Variants in ADAM32 observed in about 807,000 individuals in gnomAD.
ADAM32 encodes disintegrin and metalloproteinase domain-containing protein 32.
Under a neutral mutation model 114.9 loss-of-function variants are expected in ADAM32, and 89 were observed. The ratio of observed to expected loss-of-function variants is 0.77; its 90% confidence interval spans 0.65 to 0.92. The LOEUF (loss-of-function observed/expected upper bound fraction) is 0.92. Among genes scored for constraint, ADAM32 ranks in the 40% least tolerant of loss-of-function variants. The pLI is 0.00. For missense variants in ADAM32, 870 were observed against 932.8 expected (o/e 0.93, Z 0.88); for synonymous variants, 285 against 307.5 (o/e 0.93, Z 0.77).
intron 1 of ADAM32, among the ~76,000 whole-genome samples, chr8:39,111,153 T>A (rs550170138): frequency 7.9e-5 from 12 of 152,342 alleles, no homozygotes; most frequent in African/African-American, 2.9e-4. Flanking sequence ...TTGATGGACA[T>A]TTGATTGTTT....
At chr8:39,109,092 A>G (rs1840046800) in intron 1 of ADAM32, among the ~76,000 whole-genome samples, 1 of 152,216 alleles carries the variant, frequency 6.6e-6, no homozygotes, top group African/African-American at 2.4e-5. Flanking sequence ...CAAAATTTTA[A>G]TGCAGTGGTT....
At chr8:39,160,072 G>A (rs1431516625) in intron 6 of ADAM32, among the ~76,000 whole-genome samples, 1 of 152,122 alleles carries the variant, frequency 6.6e-6, no homozygotes, top group Non-Finnish European at 1.5e-5. Flanking sequence ...GTACAGGCAG[G>A]GATTCCAAGA....
rs533760007 is a variant in ADAM32, at chr8:39,266,726, G to A, written c.2163-4150G>A. Among the ~76,000 whole-genome samples, 3 of 152,296 alleles carry A rather than the reference G, an allele frequency of 2.0e-5. No homozygotes were observed. The South Asian group carries it at 6.2e-4, about 32-fold the overall frequency. ...TTGTTTGGTGTTAAAAAGACACTGT[G>A]TCTTTTTGAGTTGTCAGAGTTCTTG... On this transcript the variant is annotated intron_variant, in intron 19 of 24. Transcript: ENST00000379907.
chr8:39,121,427 A>G (rs972843112), intron 2 of ADAM32, among the ~76,000 whole-genome samples: 20 of 152,068 alleles, frequency 1.3e-4, no homozygotes, highest in African/African-American at 4.3e-4. Context: ...AGGGAGGGGA[A>G]CATCACACAC....
upstream of ADAM32, chr8:39,107,544 C>G: frequency 7.9e-7 from 1 of 1,267,006 alleles, no homozygotes; most frequent in East Asian, 2.8e-5. Flanking sequence ...CTCCAGCAAC[C>G]ACGCGGCTGG....
chr8:39,230,190 A>T (rs530167296), intron 14 of ADAM32, among the ~76,000 whole-genome samples: 21 of 152,290 alleles, frequency 1.4e-4, no homozygotes, highest in African/African-American at 5.1e-4. Flanking sequence ...AGCAAATTCT[A>T]TTGCTTACTA....
At chr8:39,259,245 G>A (rs1435047429) in intron 19 of ADAM32, among the ~76,000 whole-genome samples, 1 of 151,506 alleles carries the variant, frequency 6.6e-6, no homozygotes, top group Non-Finnish European at 1.5e-5. Flanking sequence ...TGTTGCCCAG[G>A]CTGGAGTGCA....
At chr8:39,245,469 G>C (rs1296663040) in intron 16 of ADAM32, among the ~76,000 whole-genome samples, 1 of 151,944 alleles carries the variant, frequency 6.6e-6, no homozygotes, top group African/African-American at 2.4e-5. Flanking sequence ...ATTAAAAAAA[G>C]AAGAAGTAGT....
At chr8:39,128,431 C>G (rs1368323383) in intron 2 of ADAM32, among the ~76,000 whole-genome samples, 1 of 152,108 alleles carries the variant, frequency 6.6e-6, no homozygotes, top group Admixed American at 6.6e-5. Flanking sequence ...GAGATAGTCT[C>G]TTAAAGACAG....
In ADAM32 at chr8:39,245,392, A is replaced by G. The variant is rs574467158; in HGVS notation, c.1819-691A>G. ...TGATGGCTGCACCAACATCTCAGAA[A>G]TCACTACTAAAAATCTTATTCGTGT... On this transcript the variant is annotated intron_variant, in intron 16 of 24. Coordinates refer to ENST00000379907, the MANE Select transcript of ADAM32 (RefSeq NM_145004.7). Among the ~76,000 whole-genome samples, 4 of 152,310 alleles carry G rather than the reference A, an allele frequency of 2.6e-5. No individual in the cohort carries two copies. The East Asian group carries it at 7.7e-4, about 29-fold the overall frequency.
chr8:39,171,621 C>T (rs1344366738), intron 10 of ADAM32, among the ~76,000 whole-genome samples: 1 of 151,828 alleles, frequency 6.6e-6, no homozygotes, highest in East Asian at 1.9e-4. Flanking sequence ...AACTGTCTAC[C>T]TCTTCATTTA....
At chr8:39,121,585 A>C (rs566312285) in intron 2 of ADAM32, among the ~76,000 whole-genome samples, 1 of 152,208 alleles carries the variant, frequency 6.6e-6, no homozygotes. Context: ...TGTACTCCAG[A>C]ACTTGAAGTA....
chr8:39,224,562 A>G (rs559855064), intron 14 of ADAM32, among the ~76,000 whole-genome samples: 1 of 151,982 alleles, frequency 6.6e-6, no homozygotes, highest in South Asian at 2.1e-4. Context: ...TCTCTGGAGA[A>G]ATGTTTATTC....
intron 9 of ADAM32, chr8:39,167,318 G>A (rs1331614191): frequency 3.3e-5 from 5 of 152,090 alleles, no homozygotes; most frequent in Admixed American, 3.3e-4. Context: ...CCCACTTTAT[G>A]TTTTTGTTTG....
intron 21 of ADAM32, 78 bp from the exon 22 acceptor site, chr8:39,275,750 A>G: frequency 7.4e-7 from 1 of 1,355,152 alleles, no homozygotes; most frequent in Non-Finnish European, 1.0e-6. Flanking sequence ...TTGTAAAATG[A>G]TCCGACATTC....
intron 20 of ADAM32, among the ~76,000 whole-genome samples, chr8:39,271,566 C>T (rs1355834101): frequency 1.3e-5 from 2 of 148,770 alleles, no homozygotes; most frequent in Non-Finnish European, 3.0e-5. Context: ...TTAGGATCCG[C>T]ATAGAAGTTA....
At chr8:39,245,625 G>C (rs528376789) in intron 16 of ADAM32, among the ~76,000 whole-genome samples, 8 of 152,246 alleles carry the variant, frequency 5.3e-5, no homozygotes, top group South Asian at 2.1e-4. Flanking sequence ...GTCTAGAAGA[G>C]AGGCCTCAGG....
intron 11 of ADAM32, among the ~76,000 whole-genome samples, chr8:39,200,526 C>G (rs1231857713): frequency 6.6e-6 from 1 of 152,084 alleles, no homozygotes; most frequent in African/African-American, 2.4e-5. Context: ...GATATTAGCC[C>G]TTTGTCAGAT....
intron 20 of ADAM32, 85 bp downstream of exon 20, chr8:39,270,999 T>G: frequency 4.6e-6 from 6 of 1,314,602 alleles, no homozygotes; most frequent in Non-Finnish European, 5.3e-6. Context: ...CAATTTTTTT[T>G]TGAACATCAA....
Sources: allele counts gnomAD v4.1 joint callset (sites outside exome capture counted in the v4.1 genomes callset), GRCh38; gene constraint gnomAD v4.1.1; transcripts MANE v1.5; gene names NCBI Gene and HGNC (gene_info 2026-07-23, HGNC 2026-07-21).